The following NEBL variants were observed in gnomAD, a reference collection of about 807,000 sequenced individuals.
NEBL encodes the protein LIM and SH3 protein 2.
NEBL carries 122 observed loss-of-function variants against 140.2 expected under a neutral mutation model. That is an observed-to-expected ratio of 0.87 (90% CI 0.75 to 1.01). The LOEUF (loss-of-function observed/expected upper bound fraction) is 1.01. Ranked by LOEUF, NEBL falls within the 50% of genes least tolerant of loss-of-function variation. NEBL has a pLI of 0.00. For synonymous variants in NEBL, 436 were observed against 398.9 expected, an observed-to-expected ratio of 1.09 and a Z score of -1.11; for missense variants, 1,365 against 1,231.3, an observed-to-expected ratio of 1.11 and a Z score of -1.62.
At chr10:20,927,236 G>T (rs945107351) in intron 4 of NEBL, among the ~76,000 whole-genome samples, 1 of 152,208 alleles carries the variant, frequency 6.6e-6, no homozygotes, top group African/African-American at 2.4e-5. Context: ...CTGACCCGCA[G>T]ATGCCCACAG....
At chr10:20,947,411 T>G (rs908298065) in intron 4 of NEBL, among the ~76,000 whole-genome samples, 1 of 152,092 alleles carries the variant, frequency 6.6e-6, no homozygotes, top group Non-Finnish European at 1.5e-5. Context: ...AGTGTCAAAC[T>G]CACCTGCTCC....
At chr10:21,146,952 C>T (rs908385018) in intron 2 of NEBL, among the ~76,000 whole-genome samples, 1 of 152,138 alleles carries the variant, frequency 6.6e-6, no homozygotes, top group Admixed American at 6.6e-5. Context: ...AAATCAATGG[C>T]TTCTTGATTT....
At chr10:21,287,910 T>C (rs1410931247) in intron 1 of NEBL, among the ~76,000 whole-genome samples, 2 of 152,130 alleles carry the variant, frequency 1.3e-5, no homozygotes, top group Non-Finnish European at 2.9e-5. Context: ...ATAAAAATTA[T>C]GAAACCATCT....
At chr10:20,862,011 G>A (rs1843747595) in intron 7 of NEBL, among the ~76,000 whole-genome samples, 1 of 152,074 alleles carries the variant, frequency 6.6e-6, no homozygotes, top group Admixed American at 6.6e-5. Context: ...CTAATAACAA[G>A]CCTGTTTTAC....
intron 3 of NEBL, among the ~76,000 whole-genome samples, chr10:20,989,378 C>A (rs1361056393): frequency 6.6e-6 from 1 of 152,028 alleles, no homozygotes; most frequent in East Asian, 1.9e-4. Context: ...TTTGTGAAAA[C>A]CAAAATAAAA....
Position 21,173,961 on chromosome 10 carries a change from G to C in NEBL, c.-128C>G. ...GCTGCGGGCGGCGGGCGCCGGGTAGGGAGTCGGCGCCGGGCCACGGGTGAG... is the reference window on the plus strand; with the variant it reads ...GCTGCGGGCGGCGGGCGCCGGGTAGCGAGTCGGCGCCGGGCCACGGGTGAG... On this transcript the variant is annotated 5_prime_UTR_variant, in exon 1 of 7. Transcript: ENST00000417816. This position sits in a 1 kb window ranked among gnomAD's most constrained non-coding sequence, Gnocchi z 5.7. 1.2e-5 allele frequency: 16 copies of C among 1,366,856 alleles called. No homozygotes were observed. The highest frequency in any genetic ancestry group is 1.5e-5 in the Non-Finnish European group (16 of 1,070,608). The allele number at this position is 1,366,856 out of a possible 1,614,324, so 84.7% of individuals were successfully genotyped here.
chr10:21,220,008 G>T (rs754580940), intron 3 of NEBL, among the ~76,000 whole-genome samples: 14 of 151,946 alleles, frequency 9.2e-5, no homozygotes, highest in Non-Finnish European at 2.1e-4. Flanking sequence ...CCACCTCCCA[G>T]TTCAAGCAAT....
At chr10:20,945,441 G>A (rs1234052463) in intron 4 of NEBL, among the ~76,000 whole-genome samples, 1 of 152,136 alleles carries the variant, frequency 6.6e-6, no homozygotes, top group Admixed American at 6.6e-5. Flanking sequence ...GAGAATGGAG[G>A]AACAAGTAAA....
At chr10:20,844,513 T>TAA (rs59118016) in intron 12 of NEBL, among the ~76,000 whole-genome samples, 36 of 138,990 alleles carry the variant, frequency 2.6e-4, no homozygotes, top group African/African-American at 7.7e-4. Context: ...TTAAAAAACA[T>TAA]AAAAAAAAAA....
chr10:20,923,666 CAAAAAAAAAAAAAAAAAAAAA>C (rs71390799), intron 4 of NEBL, among the ~76,000 whole-genome samples: 1 of 28,364 alleles, frequency 3.5e-5, no homozygotes, highest in African/African-American at 1.2e-4. Flanking sequence ...GACTCCGTCT[CAAAAAAAAAAAAAAAAAAAAA>C]AAAAAAAAAG....
chr10:21,237,742 G>C lies in NEBL; in HGVS notation n.348+10179C>G, dbSNP rs59201483. ...CTGCCTCAGCCTCCTGAGTAGCTGAGACTACAGGTGTATGCCACCAAGCCT... is the reference window on the plus strand; with the variant it reads ...CTGCCTCAGCCTCCTGAGTAGCTGACACTACAGGTGTATGCCACCAAGCCT... On this transcript the variant is annotated intron_variant and non_coding_transcript_variant, in intron 3 of 8. Transcript: ENST00000675702. Among the ~76,000 whole-genome samples the C allele has an allele frequency of 1.2e-3, 186 of 152,152 alleles. 2 individuals are homozygous for C. Among genetic ancestry groups the C allele is most frequent in the African/African-American group, 4.4e-3 (182 of 41,518 alleles).
At chr10:21,239,094 A>G (rs569903986) in intron 3 of NEBL, among the ~76,000 whole-genome samples, 25 of 152,308 alleles carry the variant, frequency 1.6e-4, no homozygotes, top group African/African-American at 5.1e-4. Flanking sequence ...TGTTTCATAG[A>G]TGATAAAGCT....
chr10:20,852,527 G>A lies in NEBL; in HGVS notation c.1008+18C>T, dbSNP rs75903914. The A allele has an allele frequency of 2.8e-3, 4,344 of 1,577,564 alleles. 104 individuals carry two copies. In the African/African-American group the frequency reaches 0.051, roughly 19 times the overall value. On this transcript the variant is annotated intron_variant, in intron 10 of 27. Coordinates refer to ENST00000377122, the MANE Select transcript of NEBL (RefSeq NM_006393.3). ...GTTGCTGGCAGGGAGGGTAGGTACC[G>A]TACGGGCAAGTGTGTACCTGACTTT...
At chr10:20,918,671 A>G (rs543696718) in intron 4 of NEBL, among the ~76,000 whole-genome samples, 1 of 151,552 alleles carries the variant, frequency 6.6e-6, no homozygotes, top group African/African-American at 2.4e-5. Flanking sequence ...AGGCGGTGAA[A>G]CCCAGTCTCT....
At position 20,784,931 on chromosome 10, in the gene NEBL, C is replaced by A. The variant is rs927903609; in HGVS notation, c.*816G>T. 6.6e-6 allele frequency: 1 copy of A among 152,574 alleles called. No individual in the cohort carries two copies. The highest frequency in any genetic ancestry group is 1.5e-5 in the Non-Finnish European group (1 of 68,024). 9.5% of individuals were successfully genotyped at this position (152,574 alleles called of 1,614,324 possible). On this transcript the variant is annotated 3_prime_UTR_variant, in exon 28 of 28. Transcript: ENST00000377122. ...ACCCTTTTTGCTTCAATAATAGGAACGCGCAGTGCAGCTGCCTATGTTACA... is the reference window on the plus strand; with the variant it reads ...ACCCTTTTTGCTTCAATAATAGGAAAGCGCAGTGCAGCTGCCTATGTTACA...
upstream of NEBL, chr10:20,897,575 G>A: frequency 9.6e-7 from 1 of 1,038,506 alleles, no homozygotes; most frequent in Non-Finnish European, 1.2e-6. Context: ...AGAGATTCTG[G>A]GAAAACTACT....
Position 20,803,808 on chromosome 10 carries a change from G to GAAAAAA in NEBL, c.2761+4701_2761+4702insTTTTTT, listed in dbSNP as rs148789208. Among the ~76,000 whole-genome samples the GAAAAAA allele has an allele frequency of 3.7e-3, 504 of 136,262 alleles. 1 individual carries two copies. The highest frequency in any genetic ancestry group is 0.013 in the East Asian group (61 of 4,746). 89.4% of individuals were successfully genotyped at this position (136,262 alleles called of 152,430 possible). On this transcript the variant is annotated intron_variant, in intron 26 of 27. Coordinates refer to ENST00000377122, the MANE Select transcript of NEBL (RefSeq NM_006393.3). ...CATGGAGACTTCTTTCCTTCTGTAC[G>GAAAAAA]AAAAATATATATATATATATATATA...
At chr10:21,189,980 T>G (rs555424382) in intron 3 of NEBL, among the ~76,000 whole-genome samples, 1 of 152,244 alleles carries the variant, frequency 6.6e-6, no homozygotes, top group South Asian at 2.1e-4. Context: ...GTTTCAGAAT[T>G]TCAGACATCA....
intron 1 of NEBL, among the ~76,000 whole-genome samples, chr10:21,292,279 G>A (rs1843154958): frequency 6.6e-6 from 1 of 152,082 alleles, no homozygotes; most frequent in African/African-American, 2.4e-5. Context: ...AGCACTGTAT[G>A]GTCTTATCTA....
Sources: gnomAD v4.1 joint callset for allele counts (sites outside exome capture counted in the v4.1 genomes callset) on GRCh38, gnomAD v4.1.1 for gene constraint, Gnocchi (gnomAD v3.1) non-coding constraint, MANE v1.5 for transcripts, NCBI Gene and HGNC (gene_info 2026-07-23, HGNC 2026-07-21) for gene names.